Variants in PLEKHM3 observed in about 807,000 individuals in gnomAD.
PLEKHM3 encodes pleckstrin homology domain-containing family M member 3.
PLEKHM3 carries 45 observed loss-of-function variants against 81.8 expected under a neutral mutation model. That is an observed-to-expected ratio of 0.55 (90% confidence interval 0.43 to 0.71). The LOEUF (loss-of-function observed/expected upper bound fraction) is 0.71. PLEKHM3 is among the 30% of genes least tolerant of loss of function. The pLI, the probability that PLEKHM3 is intolerant of heterozygous loss-of-function variation, is 0.00. For synonymous variants in PLEKHM3, 352 were observed against 356.4 expected (o/e 0.99, Z 0.14); for missense variants, 788 against 924.3 (o/e 0.85, Z 1.91).
At chr2:207,978,130 T>G (rs1410883477) in intron 2 of PLEKHM3, among the ~76,000 whole-genome samples, 1 of 151,960 alleles carries the variant, frequency 6.6e-6, no homozygotes, top group Non-Finnish European at 1.5e-5. Flanking sequence ...TGGAATCACA[T>G]GTACAAGAAT....
chr2:207,927,520 A>C (rs1689439660), intron 5 of PLEKHM3, among the ~76,000 whole-genome samples: 1 of 149,324 alleles, frequency 6.7e-6, no homozygotes, highest in East Asian at 2.0e-4. Context: ...TGTCTCAAAA[A>C]AAAAAAAAAA....
intron 1 of PLEKHM3, among the ~76,000 whole-genome samples, chr2:208,022,545 T>C (rs1161062895): frequency 6.6e-6 from 1 of 152,190 alleles, no homozygotes; most frequent in Non-Finnish European, 1.5e-5. Flanking sequence ...GAGGTCCCCA[T>C]TTCTTTCTAT....
chr2:207,975,196 C>G (rs1691264358), intron 3 of PLEKHM3, among the ~76,000 whole-genome samples: 1 of 152,070 alleles, frequency 6.6e-6, no homozygotes, highest in Admixed American at 6.5e-5. Context: ...TTCTGGTCCA[C>G]AATCACTGAG....
Position 207,908,509 on chromosome 2 carries a change from C to G in PLEKHM3, c.1950+5G>C, listed in dbSNP as rs1688697957. 1 of 1,610,310 alleles carries G rather than the reference C, an allele frequency of 6.2e-7. No homozygotes were observed. The highest frequency in any genetic ancestry group is 8.5e-7 in the Non-Finnish European group (1 of 1,178,474). ...AAAAATGAAACAGCCCCTCTGAGCACTTACCTGCTGCAGGTCGGCAAGTGA... is the reference window on the plus strand; with the variant it reads ...AAAAATGAAACAGCCCCTCTGAGCAGTTACCTGCTGCAGGTCGGCAAGTGA... On this transcript the variant is annotated splice_donor_5th_base_variant and intron_variant, in intron 6 of 7. Transcript: ENST00000427836.
intron 5 of PLEKHM3, among the ~76,000 whole-genome samples, chr2:207,922,846 G>A (rs1689233129): frequency 1.3e-5 from 2 of 152,042 alleles, no homozygotes; most frequent in Admixed American, 1.3e-4. Context: ...AAGCCCTTAA[G>A]TGCCAAATGC....
At chr2:207,858,034 T>C (rs1019759563) in intron 7 of PLEKHM3, among the ~76,000 whole-genome samples, 2 of 151,816 alleles carry the variant, frequency 1.3e-5, no homozygotes, top group African/African-American at 2.4e-5. Context: ...TTTCATTCAT[T>C]TCAAAATATT....
intron 7 of PLEKHM3, among the ~76,000 whole-genome samples, chr2:207,834,690 G>T (rs986959545): frequency 6.6e-6 from 1 of 152,078 alleles, no homozygotes; most frequent in East Asian, 1.9e-4. Flanking sequence ...CTCCCAAAGT[G>T]CTGGGATTAC....
In PLEKHM3 at chr2:207,861,236, G is replaced by T; in HGVS notation, c.1977C>A (p.Phe659Leu). ...QQVIEGKLAP[F>L]LGKVIKFATS... is the part of the protein sequence containing the mutation. ...TGGCAAATTTAATGACCTTGCCCAA[G>T]AATGGAGCCAGCTTTCCCTCTATTA... is the stretch of plus-strand genomic sequence containing the variant. Residue 659 changes from phenylalanine to leucine, a missense_variant, in exon 7 of 8, where the codon TTC becomes TTA. Phe to Leu is a conservative substitution (Grantham distance 22). Transcript: ENST00000427836. The T allele has an allele frequency of 6.2e-7, 1 of 1,614,076 alleles. No homozygotes were observed. The highest frequency in any genetic ancestry group is 1.1e-5 in the South Asian group (1 of 91,070).
intron 2 of PLEKHM3, among the ~76,000 whole-genome samples, chr2:207,983,051 A>ATT (rs3057253): frequency 0.011 from 1,393 of 130,050 alleles, 69 homozygotes; most frequent in Admixed American, 0.065. Flanking sequence ...TTAAACATGG[A>ATT]TTTTTTTTTT....
chr2:207,848,890 T>C (rs2092398100), intron 7 of PLEKHM3, among the ~76,000 whole-genome samples: 1 of 152,220 alleles, frequency 6.6e-6, no homozygotes, highest in Middle Eastern at 3.2e-3. Flanking sequence ...CTAAGTTTCA[T>C]GGGAGGCTGC....
intron 2 of PLEKHM3, among the ~76,000 whole-genome samples, chr2:207,994,302 T>C (rs1029572246): frequency 1.3e-5 from 2 of 152,192 alleles, no homozygotes; most frequent in Non-Finnish European, 2.9e-5. Context: ...TATGTTTAGA[T>C]TGTAATTCTG....
At chr2:207,950,951 A>G (rs1690308291) in intron 3 of PLEKHM3, among the ~76,000 whole-genome samples, 1 of 152,234 alleles carries the variant, frequency 6.6e-6, no homozygotes, top group South Asian at 2.1e-4. Flanking sequence ...GAAAGAACAC[A>G]GAATGGTTGG....
intron 2 of PLEKHM3, among the ~76,000 whole-genome samples, chr2:207,991,439 G>A (rs776558648): frequency 8.5e-5 from 13 of 152,086 alleles, no homozygotes; most frequent in Non-Finnish European, 1.9e-4. Context: ...TCAGGTATGG[G>A]GGCAATATGC....
intron 3 of PLEKHM3, among the ~76,000 whole-genome samples, chr2:207,972,990 T>C (rs1482653945): frequency 6.6e-6 from 1 of 152,242 alleles, no homozygotes; most frequent in African/African-American, 2.4e-5. Flanking sequence ...CTAAAGTTTA[T>C]TCATCCAAAC....
intron 7 of PLEKHM3, among the ~76,000 whole-genome samples, chr2:207,844,971 C>T (rs541225489): frequency 1.4e-4 from 22 of 152,236 alleles, no homozygotes; most frequent in East Asian, 5.8e-4. Flanking sequence ...GTTCGATGCT[C>T]TAGTATAATT....
At chr2:208,016,598 C>A (rs753214615) in intron 1 of PLEKHM3, among the ~76,000 whole-genome samples, 3 of 147,576 alleles carry the variant, frequency 2.0e-5, no homozygotes, top group Non-Finnish European at 4.5e-5. Flanking sequence ...TGCAGTGAGC[C>A]GAGACCGAGC....
intron 7 of PLEKHM3, among the ~76,000 whole-genome samples, chr2:207,859,268 A>G (rs1223236474): frequency 6.6e-6 from 1 of 150,656 alleles, no homozygotes; most frequent in African/African-American, 2.4e-5. Flanking sequence ...CCTCCCGAGC[A>G]GCTGGGATTA....
Position 207,976,129 on chromosome 2 carries a change from A to G in PLEKHM3, c.1546+522T>C, listed in dbSNP as rs1691302092. 6.6e-6 allele frequency among the ~76,000 whole-genome samples: 1 copy of G among 152,156 alleles called. No homozygotes were observed. The highest frequency in any genetic ancestry group is 2.4e-5 in the African/African-American group (1 of 41,434). On this transcript the variant is annotated intron_variant, in intron 3 of 7. Coordinates refer to ENST00000427836, the MANE Select transcript of PLEKHM3 (RefSeq NM_001080475.3). This position sits in a 1 kb window ranked among gnomAD's most constrained non-coding sequence, Gnocchi z 4.1. ...CTGAATCATCATTTACTCCGCTTTT[A>G]GCCACCCCCACATTTTCTGTCAAGA...
intron 1 of PLEKHM3, among the ~76,000 whole-genome samples, chr2:208,004,035 T>A (rs890982112): frequency 6.6e-6 from 1 of 152,216 alleles, no homozygotes; most frequent in East Asian, 1.9e-4. Flanking sequence ...CAAAAAATTA[T>A]TTGTTTCTTT....
Sources: gnomAD v4.1 joint callset for allele counts (sites outside exome capture counted in the v4.1 genomes callset) on GRCh38, gnomAD v4.1.1 for gene constraint, Gnocchi (gnomAD v3.1) non-coding constraint, MANE v1.5 for transcripts, NCBI Gene and HGNC (gene_info 2026-07-23, HGNC 2026-07-21) for gene names.